The following USH1G variants were observed in gnomAD, a reference collection of about 807,000 sequenced individuals.
USH1G encodes the protein pre-mRNA splicing regulator USH1G.
Under a neutral mutation model 31.9 loss-of-function variants are expected in USH1G, and 27 were observed. The observed-to-expected ratio is 0.85, with a 90% confidence interval of 0.62 to 1.17. The LOEUF (loss-of-function observed/expected upper bound fraction) is 1.17, where lower values mean the gene tolerates loss of function less well. USH1G is among the 50% of genes most tolerant of loss of function. The pLI, the probability that USH1G is intolerant of heterozygous loss-of-function variation, is 0.00. For synonymous variants in USH1G, 266 were observed against 283.2 expected (o/e 0.94, Z 0.61); for missense variants, 674 against 638.9 (o/e 1.05, Z -0.59).
rs1567939548 is a variant in USH1G at position 74,919,854 on chromosome 17, C to T, written c.982G>A (p.Gly328Arg). Residue 328 changes from glycine to arginine, a missense_variant, in exon 2 of 3, where the codon GGA (glycine) becomes AGA (arginine). By Grantham distance (125) the Gly-to-Arg change is moderately radical. Transcript: ENST00000614341. The surrounding 1 kb of genome is among the most constrained non-coding windows in gnomAD (Gnocchi z 4.5). ...AGACCCCCATCCTCGCGGCCCAGTC[C>T]GTGCAGCCCACTGCTCAAGTAATTT... is the stretch of plus-strand genomic sequence containing the variant. ...RRNYLSSGLH[G>R]LGREDGGLDG... is the part of the protein sequence containing the mutation. 6.2e-7 allele frequency: 1 copy of T among 1,613,126 alleles called. No homozygotes were observed. Among genetic ancestry groups the T allele is most frequent in the Non-Finnish European group, 8.5e-7 (1 of 1,179,960 alleles).
At position 74,921,852 on chromosome 17, in the gene USH1G, T is replaced by C. The variant is rs1388003349; in HGVS notation, c.164+1058A>G. On this transcript the variant is annotated intron_variant, in intron 1 of 2. Transcript: ENST00000614341. This position sits in a 1 kb window ranked among gnomAD's most constrained non-coding sequence, Gnocchi z 4.6. ...CAGCCAGCCTTGGCCTCACGGGACA[T>C]GGTTCAGCTGCCCAGGCTTCAAGGC... 6.6e-6 allele frequency among the ~76,000 whole-genome samples: 1 copy of C among 152,148 alleles called. No homozygotes were observed. The highest frequency in any genetic ancestry group is 1.5e-5 in the Non-Finnish European group (1 of 68,012).
Position 74,920,946 on chromosome 17 carries a change from G to A in USH1G, c.165-275C>T, listed in dbSNP as rs1079436. 0.022 allele frequency among the ~76,000 whole-genome samples: 3,372 copies of A among 152,228 alleles called. 173 individuals are homozygous for A. The highest frequency in any genetic ancestry group is 0.14 in the East Asian group (722 of 5,162). ...CGGGGCCTTCCCCAAGCTAACTGAG[G>A]GCTGGGAATCTCAGGGGATGAATAT... On this transcript the variant is annotated intron_variant, in intron 1 of 2. Coordinates refer to ENST00000614341, the MANE Select transcript of USH1G (RefSeq NM_173477.5). The surrounding 1 kb of genome is among the most constrained non-coding windows in gnomAD (Gnocchi z 5.2).
At position 74,918,856 on chromosome 17, in the gene USH1G, G is replaced by T. The variant is rs2038896239; in HGVS notation, c.1382+598C>A. The stretch of plus-strand genomic sequence containing the variant: ...GCCTGAGGTCTTGGGCAATTGAGAG[G>T]CCCTGCTGACTGCACGCCCTGCATC... On this transcript the variant is annotated intron_variant, in intron 2 of 2. Transcript: ENST00000614341. The surrounding 1 kb of genome is among the most constrained non-coding windows in gnomAD (Gnocchi z 4.1). 6.6e-6 allele frequency among the ~76,000 whole-genome samples: 1 copy of T among 151,496 alleles called. No homozygotes were observed. The highest frequency in any genetic ancestry group is 1.9e-4 in the East Asian group (1 of 5,176).
In USH1G at chr17:74,921,538, G is replaced by A. The variant is rs2038943482; in HGVS notation, c.165-867C>T. On this transcript the variant is annotated intron_variant, in intron 1 of 2. Coordinates refer to ENST00000614341, the MANE Select transcript of USH1G (RefSeq NM_173477.5). The surrounding 1 kb of genome is among the most constrained non-coding windows in gnomAD (Gnocchi z 4.6). Reference sequence around the variant, plus strand: ...CACAGCACCCCTGCCCTGCACTAATGAGGCCACAAGGCCAACCCCCAGGGC... The same window carrying A: ...CACAGCACCCCTGCCCTGCACTAATAAGGCCACAAGGCCAACCCCCAGGGC... Among the ~76,000 whole-genome samples, 2 of 152,120 alleles carry A rather than the reference G, an allele frequency of 1.3e-5. No individual in the cohort carries two copies. The highest frequency in any genetic ancestry group is 2.9e-5 in the Non-Finnish European group (2 of 67,986).
At position 74,919,526 on chromosome 17, in the gene USH1G, T is replaced by C; in HGVS notation, c.1310A>G (p.Lys437Arg). The C allele has an allele frequency of 1.2e-6, 2 of 1,611,884 alleles. No homozygotes were observed. The highest frequency in any genetic ancestry group is 1.7e-6 in the Non-Finnish European group (2 of 1,179,800). The change falls in exon 2 of 3, where the codon AAG (lysine) becomes AGG (arginine). Residue 437 changes from lysine (K) to arginine (R), a missense_variant. Coordinates refer to ENST00000614341, the MANE Select transcript of USH1G (RefSeq NM_173477.5). The surrounding 1 kb of genome is among the most constrained non-coding windows in gnomAD (Gnocchi z 4.5). The part of the protein sequence containing the change: ...RSISVPLGPR[K>R]KILGAVRRRR... ...CCTCCTCACGGCCCCCAAGATCTTCTTTCGGGGCCCCAGTGGGACGCTGAT... is the reference window on the plus strand; with the variant it reads ...CCTCCTCACGGCCCCCAAGATCTTCCTTCGGGGCCCCAGTGGGACGCTGAT...
chr17:74,919,482 G>A lies in USH1G; in HGVS notation c.1354C>T (p.Arg452Cys), dbSNP rs762322942. Reference protein sequence around the residue: ...AVRRRRQAMERPPALEDTEL With the variant: ...AVRRRRQAMECPPALEDTEL ...TCTGTGTCCTCCAGGGCCGGCGGGCGCTCCATCGCCTGCCGCCGCCTCCTC... is the reference window on the plus strand; with the variant it reads ...TCTGTGTCCTCCAGGGCCGGCGGGCACTCCATCGCCTGCCGCCGCCTCCTC... The change falls in exon 2 of 3, where the codon CGC (arginine) becomes TGC (cysteine). Residue 452 changes from arginine to cysteine, a missense_variant. Physicochemically the swap from Arg to Cys is radical, Grantham distance 180 (BLOSUM62 -3). Coordinates refer to ENST00000614341, the MANE Select transcript of USH1G (RefSeq NM_173477.5). The surrounding 1 kb of genome is among the most constrained non-coding windows in gnomAD (Gnocchi z 4.5). 5.0e-6 allele frequency: 8 copies of A among 1,608,344 alleles called. No individual in the cohort carries two copies. The highest frequency in any genetic ancestry group is 1.1e-5 in the South Asian group (1 of 90,944).
Position 74,922,966 on chromosome 17 carries a change from A to T in USH1G, c.108T>A (p.Thr36=). The T allele has an allele frequency of 6.4e-7, 1 of 1,554,430 alleles. No individual in the cohort carries two copies. Among genetic ancestry groups the T allele is most frequent in the Non-Finnish European group, 8.7e-7 (1 of 1,147,648 alleles). The change falls in exon 1 of 3, where the codon ACT becomes ACA. Residue 36 remains threonine (T), a synonymous_variant. Transcript: ENST00000614341. ...NAPDEDGMTP[T]LWAAYHGNLE... ...GGTTGCCATGGTAGGCAGCCCAGAG[A>T]GTGGGGGTCATGCCATCCTCGTCGG...
At position 74,920,080 on chromosome 17, in the gene USH1G, G is replaced by A. The variant is rs146752863; in HGVS notation, c.756C>T (p.Asp252=). ...RSLSGLQLGS[D]VMFVRQGTYA... is the part of the protein sequence containing the mutation. ...AGGTGCCCTGGCGCACGAACATCACGTCGCTGCCCAGCTGCAGGCCCGAGA... is the reference window on the plus strand; with the variant it reads ...AGGTGCCCTGGCGCACGAACATCACATCGCTGCCCAGCTGCAGGCCCGAGA... The change falls in exon 2 of 3, where the codon GAC becomes GAT. Residue 252 remains aspartate (D), a synonymous_variant. Transcript: ENST00000614341. This position sits in a 1 kb window ranked among gnomAD's most constrained non-coding sequence, Gnocchi z 5.2. The A allele has an allele frequency of 2.9e-4, 473 of 1,606,186 alleles. No homozygotes were observed. The highest frequency in any genetic ancestry group is 3.6e-4 in the Non-Finnish European group (428 of 1,179,460).
In USH1G at chr17:74,921,705, G is replaced by T. The variant is rs574826629; in HGVS notation, c.165-1034C>A. The stretch of plus-strand genomic sequence containing the variant: ...CACAACCCATCAAACACCAATCCTG[G>T]TCTCTGGAGGAGTTGGGGCTTGGTG... On this transcript the variant is annotated intron_variant, in intron 1 of 2. Coordinates refer to ENST00000614341, the MANE Select transcript of USH1G (RefSeq NM_173477.5). This position sits in a 1 kb window ranked among gnomAD's most constrained non-coding sequence, Gnocchi z 4.6. Among the ~76,000 whole-genome samples the T allele has an allele frequency of 2.0e-5, 3 of 152,280 alleles. No homozygotes were observed. Among genetic ancestry groups the T allele is most frequent in the South Asian group, 4.1e-4 (2 of 4,824 alleles).
Position 74,918,015 on chromosome 17 carries a change from C to T in USH1G, c.*58G>A. On this transcript the variant is annotated 3_prime_UTR_variant, in exon 3 of 3. Coordinates refer to ENST00000614341, the MANE Select transcript of USH1G (RefSeq NM_173477.5). The surrounding 1 kb of genome is among the most constrained non-coding windows in gnomAD (Gnocchi z 4.1). ...CTGGCAACTGTGAGGACCTCGAGAC[C>T]CCACCATAGGTTGTGGCAACTTGCA... The T allele has an allele frequency of 6.2e-7, 1 of 1,612,816 alleles. No homozygotes were observed. The highest frequency in any genetic ancestry group is 8.5e-7 in the Non-Finnish European group (1 of 1,179,124).
chr17:74,920,336 C>T lies in USH1G; in HGVS notation c.500G>A (p.Arg167His), dbSNP rs745992000. ...HHERMERRYR[R>H]ELAERSDTLS... ...GGTGTCGGAACGCTCGGCCAGCTCG[C>T]GCCGGTATCGCCGCTCCATGCGTTC... The change falls in exon 2 of 3, where the codon CGC becomes CAC. Residue 167 changes from arginine (R) to histidine (H), a missense_variant. Coordinates refer to ENST00000614341, the MANE Select transcript of USH1G (RefSeq NM_173477.5). The surrounding 1 kb of genome is among the most constrained non-coding windows in gnomAD (Gnocchi z 5.2). 6.8e-6 allele frequency: 11 copies of T among 1,610,106 alleles called. No individual in the cohort carries two copies. The highest frequency in any genetic ancestry group is 4.5e-5 in the East Asian group (2 of 44,848).
chr17:74,919,952 G>A lies in USH1G; in HGVS notation c.884C>T (p.Ser295Leu), dbSNP rs2144753475. The change falls in exon 2 of 3, where the codon TCG (serine) becomes TTG (leucine). Residue 295 changes from serine to leucine, a missense_variant. Coordinates refer to ENST00000614341, the MANE Select transcript of USH1G (RefSeq NM_173477.5). The surrounding 1 kb of genome is among the most constrained non-coding windows in gnomAD (Gnocchi z 4.5). ...RATLAAEPAH[S>L]EVSTDSGHDS... ...GTGGCCTGAGTCGGTGCTGACCTCC[G>A]AGTGGGCAGGCTCGGCCGCCAGCGT... 6.2e-7 allele frequency: 1 copy of A among 1,611,892 alleles called. No individual in the cohort carries two copies. Among genetic ancestry groups the A allele is most frequent in the South Asian group, 1.1e-5 (1 of 91,042 alleles).
rs1044385908 is a variant in USH1G at position 74,920,331 on chromosome 17, G to C, written c.505C>G (p.Leu169Val). 2 of 1,609,662 alleles carry C rather than the reference G, an allele frequency of 1.2e-6. No individual in the cohort carries two copies. Among genetic ancestry groups the C allele is most frequent in the Non-Finnish European group, 1.7e-6 (2 of 1,179,196 alleles). The change falls in exon 2 of 3, where the codon CTG (leucine) becomes GTG (valine). Residue 169 changes from leucine to valine, a missense_variant. Physicochemically the swap from Leu to Val is conservative, Grantham distance 32. Coordinates refer to ENST00000614341, the MANE Select transcript of USH1G (RefSeq NM_173477.5). The surrounding 1 kb of genome is among the most constrained non-coding windows in gnomAD (Gnocchi z 5.2). ...ERMERRYRRE[L>V]AERSDTLSFS... Reference sequence around the variant, plus strand: ...CTGAGGGTGTCGGAACGCTCGGCCAGCTCGCGCCGGTATCGCCGCTCCATG... The same window carrying C: ...CTGAGGGTGTCGGAACGCTCGGCCACCTCGCGCCGGTATCGCCGCTCCATG...
chr17:74,920,133 C>T lies in USH1G; in HGVS notation c.703G>A (p.Glu235Lys), dbSNP rs140562408. ...GAGCGGGCGCTCTTGCGCCCATCCT[C>T]GGAGACCTTGAAGGTGCCTTCGCCG... ...QGGEGTFKVS[E>K]DGRKSARSLS... The change falls in exon 2 of 3, where the codon GAG (glutamate) becomes AAG (lysine). Residue 235 changes from glutamate (E) to lysine (K), a missense_variant. By Grantham distance (56) the Glu-to-Lys change is moderately conservative. Coordinates refer to ENST00000614341, the MANE Select transcript of USH1G (RefSeq NM_173477.5). The surrounding 1 kb of genome is among the most constrained non-coding windows in gnomAD (Gnocchi z 5.2). 1.2e-6 allele frequency: 2 copies of T among 1,602,722 alleles called. No homozygotes were observed. The highest frequency in any genetic ancestry group is 2.2e-5 in the East Asian group (1 of 44,868).
chr17:74,918,050 G>A lies in USH1G; in HGVS notation c.*23C>T. 6.2e-7 allele frequency: 1 copy of A among 1,614,022 alleles called. No individual in the cohort carries two copies. The highest frequency in any genetic ancestry group is 8.5e-7 in the Non-Finnish European group (1 of 1,179,958). On this transcript the variant is annotated 3_prime_UTR_variant, in exon 3 of 3. Coordinates refer to ENST00000614341, the MANE Select transcript of USH1G (RefSeq NM_173477.5). This position sits in a 1 kb window ranked among gnomAD's most constrained non-coding sequence, Gnocchi z 4.1. ...GTTGTGGCAACTTGCAATTCATTTT[G>A]GTCTGGGGAGAGGAGCCCCCGGTTA... is the stretch of plus-strand genomic sequence containing the variant.
chr17:74,920,169 G>A lies in USH1G; in HGVS notation c.667C>T (p.Arg223Cys), dbSNP rs1487440443. Residue 223 changes from arginine (R) to cysteine (C), a missense_variant, in exon 2 of 3, where the codon CGC becomes TGC. Transcript: ENST00000614341. The surrounding 1 kb of genome is among the most constrained non-coding windows in gnomAD (Gnocchi z 5.2). ...KTKMQKKLERRKQGGEGTFKV... is the reference protein window; with the variant it reads ...KTKMQKKLERCKQGGEGTFKV... The stretch of plus-strand genomic sequence containing the variant: ...AAGGTGCCTTCGCCGCCCTGCTTGC[G>A]CCGCTCCAGCTTCTTCTGCATCTTG... The A allele has an allele frequency of 1.9e-6, 3 of 1,602,002 alleles. No homozygotes were observed. The highest frequency in any genetic ancestry group is 2.5e-6 in the Non-Finnish European group (3 of 1,179,822).
Position 74,923,085 on chromosome 17 carries a change from T to A in USH1G, c.-12A>T. 1 of 1,572,614 alleles carries A rather than the reference T, an allele frequency of 6.4e-7. No individual in the cohort carries two copies. Among genetic ancestry groups the A allele is most frequent in the East Asian group, 2.3e-5 (1 of 43,108 alleles). On this transcript the variant is annotated 5_prime_UTR_variant, in exon 1 of 3. Transcript: ENST00000614341. This position sits in a 1 kb window ranked among gnomAD's most constrained non-coding sequence, Gnocchi z 5.3. ...TACTGGTCGTTCATGGCGCCCGAAG[T>A]GGACGGGGCGGGCGGGGGACACGGA...
In USH1G at chr17:74,920,349, G is replaced by T. The variant is rs769161031; in HGVS notation, c.487C>A (p.Arg163=). ...LQRRHHERME[R]RYRRELAERS... is the part of the protein sequence containing the mutation. ...TCGGCCAGCTCGCGCCGGTATCGCC[G>T]CTCCATGCGTTCGTGGTGCCTCCGC... The change falls in exon 2 of 3, where the codon CGG becomes AGG. Residue 163 remains arginine, a synonymous_variant. Transcript: ENST00000614341. This position sits in a 1 kb window ranked among gnomAD's most constrained non-coding sequence, Gnocchi z 5.2. 7.4e-6 allele frequency: 12 copies of T among 1,611,366 alleles called. No individual in the cohort carries two copies. The highest frequency in any genetic ancestry group is 3.3e-5 in the Admixed American group (2 of 59,970).
chr17:74,921,425 C>A lies in USH1G; in HGVS notation c.165-754G>T, dbSNP rs115065062. Among the ~76,000 whole-genome samples, 60 of 152,182 alleles carry A rather than the reference C, an allele frequency of 3.9e-4. 1 individual carries two copies. Among genetic ancestry groups the A allele is most frequent in the African/African-American group, 1.2e-3 (50 of 41,506 alleles). ...AGCCTGTCCAGGGACCCCCGACAGC[C>A]CCCACAAGCACCCTTCACACCAGAC... is the stretch of plus-strand genomic sequence containing the variant. On this transcript the variant is annotated intron_variant, in intron 1 of 2. Coordinates refer to ENST00000614341, the MANE Select transcript of USH1G (RefSeq NM_173477.5). The surrounding 1 kb of genome is among the most constrained non-coding windows in gnomAD (Gnocchi z 4.6).
Sources: allele counts gnomAD v4.1 joint callset (sites outside exome capture counted in the v4.1 genomes callset), GRCh38; gene constraint gnomAD v4.1.1; non-coding constraint Gnocchi (gnomAD v3.1); transcripts MANE v1.5; gene names NCBI Gene and HGNC (gene_info 2026-07-23, HGNC 2026-07-21).